SEPTIN9: variants seen among roughly 807,000 people sequenced by gnomAD.
SEPTIN9 encodes the protein septin-9.
A neutral mutation model predicts 56.6 loss-of-function variants in SEPTIN9; 13 were observed. That is an observed-to-expected ratio of 0.23 (90% CI 0.15 to 0.37). The LOEUF (loss-of-function observed/expected upper bound fraction) is 0.37. Ranked by LOEUF, SEPTIN9 falls within the 10% of genes least tolerant of loss-of-function variation. SEPTIN9 has a pLI of 1.00. For missense variants in SEPTIN9, 650 were observed against 823.1 expected (o/e 0.79, Z 2.57); for synonymous variants, 332 against 334.1 (o/e 0.99, Z 0.07).
At chr17:77,430,939 C>T (rs1380261533) in intron 3 of SEPTIN9, among the ~76,000 whole-genome samples, 3 of 150,976 alleles carry the variant, frequency 2.0e-5, no homozygotes, top group African/African-American at 4.9e-5. Context: ...TGCAGTGAGC[C>T]GAGACTGTGC....
Position 77,487,285 on chromosome 17 carries a change from G to A in SEPTIN9, c.914-139G>A. On this transcript the variant is annotated intron_variant, in intron 4 of 11. Coordinates refer to ENST00000427177, the MANE Select transcript of SEPTIN9 (RefSeq NM_001113491.2). This position sits in a 1 kb window ranked among gnomAD's most constrained non-coding sequence, Gnocchi z 4.3. ...TGAAGTCCTCGGGGGCTGCTTGGCA[G>A]GGATATTGCCGGGAGGTAGCCCAGG... 1.1e-6 allele frequency: 1 copy of A among 911,274 alleles called. No individual in the cohort carries two copies. The highest frequency in any genetic ancestry group is 1.7e-6 in the Non-Finnish European group (1 of 578,524). 56.4% of individuals were successfully genotyped at this position (911,274 alleles called of 1,614,324 possible). A position where few individuals can be genotyped will look rare whatever the true frequency, so the allele number is the denominator to read the frequency against.
intron 1 of SEPTIN9, among the ~76,000 whole-genome samples, chr17:77,298,852 C>T (rs573399493): frequency 2.0e-5 from 3 of 152,300 alleles, no homozygotes; most frequent in Admixed American, 6.5e-5. Flanking sequence ...AAGGCTCTGT[C>T]ATTCAGCCTG....
rs1428524323 is a variant in SEPTIN9, at chr17:77,405,024, A to T, written c.721+2321A>T. 10 of 1,494,722 alleles carry T rather than the reference A, an allele frequency of 6.7e-6. No homozygotes were observed. In the African/African-American group the frequency reaches 1.2e-4, roughly 19 times the overall value. 92.6% of individuals were successfully genotyped at this position (1,494,722 alleles called of 1,614,324 possible). A position where few individuals can be genotyped will look rare whatever the true frequency, so the allele number is the denominator to read the frequency against. ...ACCCCCATCCTGGGTTGATGTGTTC[A>T]CACTCAGCTGAGTCAAACAGGATGT... is the stretch of plus-strand genomic sequence containing the variant. On this transcript the variant is annotated intron_variant, in intron 3 of 11. Transcript: ENST00000427177. This position sits in a 1 kb window ranked among gnomAD's most constrained non-coding sequence, Gnocchi z 5.8.
At chr17:77,283,485 G>A (rs1240293101) in intron 1 of SEPTIN9, among the ~76,000 whole-genome samples, 3 of 149,050 alleles carry the variant, frequency 2.0e-5, no homozygotes, top group Non-Finnish European at 4.5e-5. Flanking sequence ...CCTTTTCCGG[G>A]TACGGGCACT....
chr17:77,326,242 CCT>C lies in SEPTIN9; in HGVS notation c.76+19046_76+19047del, dbSNP rs2033135681. Among the ~76,000 whole-genome samples, 1 of 152,236 alleles carries C rather than the reference CCT, an allele frequency of 6.6e-6. No homozygotes were observed. The highest frequency in any genetic ancestry group is 1.5e-5 in the Non-Finnish European group (1 of 68,046). On this transcript the variant is annotated intron_variant, in intron 2 of 11. Coordinates refer to ENST00000427177, the MANE Select transcript of SEPTIN9 (RefSeq NM_001113491.2). This position sits in a 1 kb window ranked among gnomAD's most constrained non-coding sequence, Gnocchi z 5.1. ...TTCATTCATTCAGCATTGGGTGCTC[CCT>C]GTGGACTTGGCGCTGGGGTCCCGTG...
chr17:77,325,048 A>G (rs1448074158), intron 2 of SEPTIN9, among the ~76,000 whole-genome samples: 1 of 151,948 alleles, frequency 6.6e-6, no homozygotes, highest in Non-Finnish European at 1.5e-5. Context: ...CGAACTCCTG[A>G]CCTCAAGTAA....
chr17:77,338,581 G>A (rs1406809926), intron 2 of SEPTIN9, among the ~76,000 whole-genome samples: 1 of 152,102 alleles, frequency 6.6e-6, no homozygotes, highest in Non-Finnish European at 1.5e-5. Flanking sequence ...ACCACGCCTG[G>A]CTAATTTTTG....
intron 2 of SEPTIN9, among the ~76,000 whole-genome samples, chr17:77,383,665 T>G (rs102091): frequency 0.27 from 40,374 of 152,194 alleles, 5,881 homozygotes; most frequent in East Asian, 0.49. Context: ...ATAACAGTGC[T>G]ACCTGGCTGG....
intron 2 of SEPTIN9, among the ~76,000 whole-genome samples, chr17:77,340,222 C>T (rs1329123247): frequency 6.6e-6 from 1 of 151,936 alleles, no homozygotes; most frequent in African/African-American, 2.4e-5. Context: ...CTCACTGCAA[C>T]CTCCGCCTCC....
intron 3 of SEPTIN9, among the ~76,000 whole-genome samples, chr17:77,465,962 G>A (rs775307563): frequency 6.6e-6 from 1 of 151,996 alleles, no homozygotes. Context: ...AGACCTTCCT[G>A]GGGGAGGCTG....
chr17:77,482,037 C>A, intron 3 of SEPTIN9, 107 bp from the exon 4 acceptor site: 1 of 1,099,078 alleles, frequency 9.1e-7, no homozygotes, highest in African/African-American at 1.6e-5. Context: ...CTTTCTGAGC[C>A]TCAGTGCCTC....
intron 2 of SEPTIN9, among the ~76,000 whole-genome samples, chr17:77,328,202 G>A (rs1283014694): frequency 6.6e-6 from 1 of 151,480 alleles, no homozygotes; most frequent in Non-Finnish European, 1.5e-5. Flanking sequence ...CATGCCCAGG[G>A]TGTCCCCATG....
At position 77,499,693 on chromosome 17, in the gene SEPTIN9, G is replaced by A. The variant is rs368116; in HGVS notation, c.*1035G>A. 18,999 of 398,170 alleles carry A rather than the reference G, an allele frequency of 0.048. 2,432 individuals carry two copies. Among genetic ancestry groups the A allele is most frequent in the African/African-American group, 0.3 (15,121 of 49,764 alleles). 24.7% of individuals were successfully genotyped at this position (398,170 alleles called of 1,614,324 possible). ...GTGTCCGTCTGTCTGTCTAGTGTCT[G>A]GGTTTGGCCCAAGACTGGGCTGTAG... On this transcript the variant is annotated 3_prime_UTR_variant, in exon 12 of 12. Transcript: ENST00000427177.
chr17:77,352,405 T>TCAAAAACAAAAA (rs57563817), intron 2 of SEPTIN9, among the ~76,000 whole-genome samples: 1,951 of 147,524 alleles, frequency 0.013, 41 homozygotes, highest in African/African-American at 0.036. Flanking sequence ...AGACTCCGTC[T>TCAAAAACAAAAA]CAAAAACAAA....
rs1342625522 is a variant in SEPTIN9 at position 77,449,888 on chromosome 17, T to C, written c.722-32256T>C. 1.3e-5 allele frequency among the ~76,000 whole-genome samples: 2 copies of C among 152,148 alleles called. No homozygotes were observed. The highest frequency in any genetic ancestry group is 2.9e-5 in the Non-Finnish European group (2 of 68,016). On this transcript the variant is annotated intron_variant, in intron 3 of 11. Coordinates refer to ENST00000427177, the MANE Select transcript of SEPTIN9 (RefSeq NM_001113491.2). The surrounding 1 kb of genome is among the most constrained non-coding windows in gnomAD (Gnocchi z 4.6). ...TGGCGACTGGTGTTGGTGGTGCCCA[T>C]TTTATGGATGGGGAAGGTCAAATTC...
intron 10 of SEPTIN9, chr17:77,496,196 T>G (rs988988138): frequency 2.6e-4 from 39 of 152,032 alleles, no homozygotes; most frequent in African/African-American, 9.2e-4. Flanking sequence ...GCCTGGCTAA[T>G]TTTTGTATTT....
At chr17:77,333,871 A>T (rs1007298735) in intron 2 of SEPTIN9, among the ~76,000 whole-genome samples, 6 of 151,710 alleles carry the variant, frequency 4.0e-5, no homozygotes, top group African/African-American at 1.2e-4. Flanking sequence ...ATTTTCCAAG[A>T]TCCTTGTTGG....
At chr17:77,413,108 G>A (rs1261641253) in intron 3 of SEPTIN9, among the ~76,000 whole-genome samples, 1 of 151,942 alleles carries the variant, frequency 6.6e-6, no homozygotes, top group East Asian at 1.9e-4. Flanking sequence ...GTGTGTGTGT[G>A]TGTGTGTGTG....
chr17:77,484,440 TGGTGATGG>T lies in SEPTIN9; in HGVS notation c.913+2106_913+2113del. On this transcript the variant is annotated intron_variant, in intron 4 of 11. Coordinates refer to ENST00000427177, the MANE Select transcript of SEPTIN9 (RefSeq NM_001113491.2). Reference sequence around the variant, plus strand: ...GTGATGATGTGGGTGATGGTGATGGTGGTGATGGTGGTGGTGGTGATTGTGGTGGTGGT... The same window carrying T: ...GTGATGATGTGGGTGATGGTGATGGTTGGTGGTGGTGATTGTGGTGGTGGT... Among the ~76,000 whole-genome samples the T allele has an allele frequency of 6.0e-5, 2 of 33,466 alleles. 1 individual carries two copies. Among genetic ancestry groups the T allele is most frequent in the Non-Finnish European group, 1.1e-4 (2 of 18,290 alleles). The allele number at this position is 33,466 out of a possible 152,430, so 22.0% of individuals were successfully genotyped here.
Sources: gnomAD v4.1 joint callset for allele counts (sites outside exome capture counted in the v4.1 genomes callset) on GRCh38, gnomAD v4.1.1 for gene constraint, Gnocchi (gnomAD v3.1) non-coding constraint, MANE v1.5 for transcripts, NCBI Gene and HGNC (gene_info 2026-07-23, HGNC 2026-07-21) for gene names.